Variants in NDNF observed in about 807,000 individuals in gnomAD.
NDNF encodes the protein protein NDNF.
A neutral mutation model predicts 42.0 loss-of-function variants in NDNF; 16 were observed. That is an observed-to-expected ratio of 0.38 (90% CI 0.26 to 0.58). NDNF has a LOEUF of 0.58. Among genes scored for constraint, NDNF ranks in the 20% least tolerant of loss-of-function variants. The pLI is 0.67. For missense variants in NDNF, 616 were observed against 666.2 expected (o/e 0.92, Z 0.83); for synonymous variants, 248 against 251.7 (o/e 0.99, Z 0.14).
intron 2 of NDNF, among the ~76,000 whole-genome samples, chr4:121,043,721 G>T (rs139232193): frequency 2.0e-5 from 3 of 152,148 alleles, no homozygotes; most frequent in Admixed American, 6.5e-5. Context: ...ACATAATGTG[G>T]AATGCTGTAT....
chr4:121,039,161 A>ACG lies in NDNF; in HGVS notation c.313+768_313+769insCG, dbSNP rs1165208833. ...TATATATGTGTATATATATATGTAT[A>ACG]TATATATATAAAGACTATGTGTGTG... On this transcript the variant is annotated intron_variant, in intron 3 of 3. Coordinates refer to ENST00000379692, the MANE Select transcript of NDNF (RefSeq NM_024574.4). Among the ~76,000 whole-genome samples, 99 of 69,378 alleles carry ACG rather than the reference A, an allele frequency of 1.4e-3. 3 individuals carry two copies. Among genetic ancestry groups the ACG allele is most frequent in the Non-Finnish European group, 3.3e-3 (90 of 27,666 alleles). 45.5% of individuals were successfully genotyped at this position (69,378 alleles called of 152,430 possible). A position where few individuals can be genotyped will look rare whatever the true frequency, so the allele number is the denominator to read the frequency against.
intron 1 of NDNF, among the ~76,000 whole-genome samples, chr4:121,047,181 T>C (rs1300785255): frequency 1.3e-5 from 2 of 152,216 alleles, no homozygotes; most frequent in African/African-American, 4.8e-5. Context: ...ATTGCAAAAA[T>C]ATATAGTTTG....
rs1317873810 is a variant in NDNF at position 121,045,631 on chromosome 4, A to T, written c.188+19T>A. 1 of 1,601,614 alleles carries T rather than the reference A, an allele frequency of 6.2e-7. No individual in the cohort carries two copies. Among genetic ancestry groups the T allele is most frequent in the Non-Finnish European group, 8.5e-7 (1 of 1,170,584 alleles). On this transcript the variant is annotated intron_variant, in intron 2 of 3. Coordinates refer to ENST00000379692, the MANE Select transcript of NDNF (RefSeq NM_024574.4). ...CCTTTGTGAGCTTTTTAATAAAGAA[A>T]ATACTGCAGGGAGAATACCTCTTAG...
chr4:121,055,524 AT>A (rs1447740433), intron 1 of NDNF, among the ~76,000 whole-genome samples: 1 of 151,422 alleles, frequency 6.6e-6, no homozygotes, highest in Middle Eastern at 3.4e-3. Context: ...GTTAAGCAGA[AT>A]TTTCAGGTGG....
chr4:121,062,828 A>C (rs1280883113), intron 1 of NDNF, among the ~76,000 whole-genome samples: 1 of 152,158 alleles, frequency 6.6e-6, no homozygotes, highest in Admixed American at 6.5e-5. Flanking sequence ...CAAGAGAAAA[A>C]GAGATCTCGA....
intron 1 of NDNF, among the ~76,000 whole-genome samples, chr4:121,056,863 CAAAG>C: frequency 6.6e-6 from 1 of 152,346 alleles, no homozygotes; most frequent in Admixed American, 6.5e-5. Flanking sequence ...AAGTTTCCAT[CAAAG>C]AAATCTTTTA....
At chr4:121,046,342 C>T (rs1303852450) in intron 1 of NDNF, among the ~76,000 whole-genome samples, 1 of 152,106 alleles carries the variant, frequency 6.6e-6, no homozygotes, top group Non-Finnish European at 1.5e-5. Context: ...TCATTGAGAA[C>T]CAGAAAATTA....
intron 1 of NDNF, among the ~76,000 whole-genome samples, chr4:121,066,011 T>C (rs1352205899): frequency 1.3e-5 from 2 of 152,082 alleles, no homozygotes; most frequent in Non-Finnish European, 2.9e-5. Context: ...TTTTTTCAGG[T>C]AGTGTTTTGG....
chr4:121,070,822 C>T (rs1396181821), intron 1 of NDNF, among the ~76,000 whole-genome samples: 3 of 152,176 alleles, frequency 2.0e-5, no homozygotes. Flanking sequence ...AGGGAGCCAC[C>T]CGTACCCAAG....
At chr4:121,054,244 G>T (rs914601258) in intron 1 of NDNF, among the ~76,000 whole-genome samples, 12 of 152,274 alleles carry the variant, frequency 7.9e-5, no homozygotes, top group African/African-American at 2.9e-4. Flanking sequence ...GAAAAAATAT[G>T]TATCTTAGGA....
intron 1 of NDNF, among the ~76,000 whole-genome samples, chr4:121,052,095 T>G (rs935878628): frequency 6.6e-6 from 1 of 152,202 alleles, no homozygotes; most frequent in African/African-American, 2.4e-5. Flanking sequence ...AACAAATTCC[T>G]CCATCCCTCT....
intron 3 of NDNF, among the ~76,000 whole-genome samples, chr4:121,038,536 T>C (rs755545718): frequency 3.9e-5 from 6 of 152,154 alleles, no homozygotes; most frequent in Non-Finnish European, 7.3e-5. Context: ...CACACAGATA[T>C]CAGTGTATAG....
intron 1 of NDNF, among the ~76,000 whole-genome samples, chr4:121,055,186 T>G (rs1431021809): frequency 6.6e-6 from 1 of 152,204 alleles, no homozygotes; most frequent in South Asian, 2.1e-4. Flanking sequence ...ACCCTGTCTA[T>G]TGTGCAGAAA....
chr4:121,060,330 G>A (rs1727382233), intron 1 of NDNF, among the ~76,000 whole-genome samples: 1 of 151,956 alleles, frequency 6.6e-6, no homozygotes, highest in African/African-American at 2.4e-5. Context: ...ACAGGCACGT[G>A]TCACCATGTC....
At chr4:121,071,272 G>A (rs1727592564) in intron 1 of NDNF, among the ~76,000 whole-genome samples, 1 of 151,952 alleles carries the variant, frequency 6.6e-6, no homozygotes, top group South Asian at 2.1e-4. Flanking sequence ...CTGCTCTCCG[G>A]AAGAAAGTAT....
intron 2 of NDNF, among the ~76,000 whole-genome samples, chr4:121,045,074 C>T (rs1399503410): frequency 1.3e-5 from 2 of 152,260 alleles, no homozygotes; most frequent in African/African-American, 2.4e-5. Context: ...GTACTGAGGC[C>T]GGGCGCAGTG....
At chr4:121,066,857 A>C (rs1727507674) in intron 1 of NDNF, among the ~76,000 whole-genome samples, 1 of 152,168 alleles carries the variant, frequency 6.6e-6, no homozygotes, top group African/African-American at 2.4e-5. Context: ...TAGATTGTGG[A>C]ATATATGTTC....
chr4:121,070,823 C>G (rs1464160841), intron 1 of NDNF, among the ~76,000 whole-genome samples: 2 of 152,142 alleles, frequency 1.3e-5, no homozygotes, highest in Admixed American at 1.3e-4. Flanking sequence ...GGGAGCCACC[C>G]GTACCCAAGA....
At chr4:121,038,623 G>C (rs556021833) in intron 3 of NDNF, among the ~76,000 whole-genome samples, 32 of 152,214 alleles carry the variant, frequency 2.1e-4, no homozygotes, top group Admixed American at 6.5e-4. Flanking sequence ...ATTGCAGGTT[G>C]AAAGTGAGCT....
Sources: gnomAD v4.1 joint callset for allele counts (sites outside exome capture counted in the v4.1 genomes callset) on GRCh38, gnomAD v4.1.1 for gene constraint, MANE v1.5 for transcripts, NCBI Gene and HGNC (gene_info 2026-07-23, HGNC 2026-07-21) for gene names.